IL15: variants seen among roughly 807,000 people sequenced by gnomAD.
IL15 encodes the protein interleukin 15.
In IL15, 11 loss-of-function variants were observed where a neutral mutation model predicts 19.6. The ratio of observed to expected loss-of-function variants is 0.56; its 90% CI spans 0.35 to 0.93. The LOEUF (loss-of-function observed/expected upper bound fraction) is 0.93. IL15 is among the 40% of genes least tolerant of loss of function. The probability of loss-of-function intolerance (pLI) is 0.01; values close to 1 mark genes in which losing one functional copy is unlikely to be tolerated. For synonymous variants in IL15, 58 were observed against 59.6 expected (o/e 0.97, Z 0.12); for missense variants, 197 against 186.5 (o/e 1.06, Z -0.33).
intron 2 of IL15, among the ~76,000 whole-genome samples, chr4:141,695,272 C>CTTTTTTTTT (rs34115620): frequency 1.6e-5 from 1 of 62,562 alleles, no homozygotes; most frequent in Non-Finnish European, 2.7e-5. Context: ...TCTATGATAC[C>CTTTTTTTTT]TTTTTTTTTT....
At chr4:141,726,737 C>T (rs1216396342) in intron 5 of IL15, among the ~76,000 whole-genome samples, 1 of 152,054 alleles carries the variant, frequency 6.6e-6, no homozygotes, top group African/African-American at 2.4e-5. Context: ...TCAGGGAATA[C>T]TACAGAGCAA....
chr4:141,727,438 G>A (rs779130568), intron 5 of IL15, among the ~76,000 whole-genome samples: 14 of 152,052 alleles, frequency 9.2e-5, no homozygotes, highest in Admixed American at 3.3e-4. Flanking sequence ...CAAAATTATA[G>A]GCATGGAGAG....
At chr4:141,721,784 C>T in intron 4 of IL15, 140 bp from the exon 5 acceptor site, 1 of 722,012 alleles carries the variant, frequency 1.4e-6, no homozygotes, top group Non-Finnish European at 2.3e-6. Context: ...AGTTACAAGG[C>T]TGTTGAATGC....
intron 2 of IL15, among the ~76,000 whole-genome samples, chr4:141,696,824 T>A (rs1364973257): frequency 6.6e-6 from 1 of 151,880 alleles, no homozygotes; most frequent in Non-Finnish European, 1.5e-5. Flanking sequence ...TGGGAATTAT[T>A]TATTTTTGTC....
At chr4:141,728,716 C>T (rs1470427125) in intron 6 of IL15, among the ~76,000 whole-genome samples, 1 of 152,082 alleles carries the variant, frequency 6.6e-6, no homozygotes, top group African/African-American at 2.4e-5. Flanking sequence ...TGGAAAGAAA[C>T]CATAGTCAGA....
intron 3 of IL15, among the ~76,000 whole-genome samples, chr4:141,720,242 T>C (rs2152189631): frequency 6.6e-6 from 1 of 152,280 alleles, no homozygotes; most frequent in African/African-American, 2.4e-5. Context: ...TTGACATGCA[T>C]CTGCAGAAAT....
chr4:141,713,597 C>T (rs1248191141), intron 2 of IL15, among the ~76,000 whole-genome samples: 6 of 152,198 alleles, frequency 3.9e-5, no homozygotes, highest in Admixed American at 6.5e-5. Flanking sequence ...CTGACCACTA[C>T]TTTCATACTG....
At chr4:141,710,838 G>A (rs537413150) in intron 2 of IL15, among the ~76,000 whole-genome samples, 43 of 151,604 alleles carry the variant, frequency 2.8e-4, no homozygotes, top group African/African-American at 1.0e-3. Context: ...CAATTAATTA[G>A]CATAAGTGTA....
In IL15 at chr4:141,729,993, T is replaced by G; in HGVS notation, c.378+9T>G. On this transcript the variant is annotated intron_variant, in intron 7 of 7. Coordinates refer to ENST00000320650, the MANE Select transcript of IL15 (RefSeq NM_000585.5). Reference sequence around the variant, plus strand: ...GTTTGTCTTCTAATGGGGTGAGTTTTCCAACAGTTGCTTAGAGTTGCATCT... The same window carrying G: ...GTTTGTCTTCTAATGGGGTGAGTTTGCCAACAGTTGCTTAGAGTTGCATCT... The G allele has an allele frequency of 6.2e-7, 1 of 1,606,364 alleles. No homozygotes were observed. Among genetic ancestry groups the G allele is most frequent in the African/African-American group, 1.3e-5 (1 of 74,788 alleles).
intron 2 of IL15, among the ~76,000 whole-genome samples, chr4:141,658,620 T>C (rs1727684424): frequency 6.6e-6 from 1 of 151,996 alleles, no homozygotes; most frequent in African/African-American, 2.4e-5. Flanking sequence ...TTCTGTAGCA[T>C]GTATACTAGA....
At chr4:141,680,391 C>G (rs187549225) in intron 2 of IL15, among the ~76,000 whole-genome samples, 1 of 152,312 alleles carries the variant, frequency 6.6e-6, no homozygotes, top group East Asian at 1.9e-4. Context: ...AATATTGTAT[C>G]ACTGTTTTCA....
intron 1 of IL15, among the ~76,000 whole-genome samples, chr4:141,650,166 A>G (rs1346845815): frequency 6.6e-6 from 1 of 152,056 alleles, no homozygotes; most frequent in Non-Finnish European, 1.5e-5. Flanking sequence ...TGATAATTGA[A>G]CTACAGTGAG....
chr4:141,681,921 C>A (rs1207703810), intron 2 of IL15, among the ~76,000 whole-genome samples: 1 of 152,144 alleles, frequency 6.6e-6, no homozygotes, highest in Non-Finnish European at 1.5e-5. Context: ...GGCAAAGAAT[C>A]ATTATTTTCT....
chr4:141,681,756 C>T (rs1728539515), intron 2 of IL15, among the ~76,000 whole-genome samples: 1 of 152,126 alleles, frequency 6.6e-6, no homozygotes, highest in Non-Finnish European at 1.5e-5. Flanking sequence ...TATTATAAGA[C>T]TTTCTTTTCA....
At chr4:141,716,206 C>T (rs189173246) in intron 2 of IL15, 1 of 152,460 alleles carries the variant, frequency 6.6e-6, no homozygotes, top group Admixed American at 6.5e-5. Flanking sequence ...CAAACAATTC[C>T]TACCCTGTGA....
chr4:141,680,400 C>T (rs903811497), intron 2 of IL15, among the ~76,000 whole-genome samples: 4 of 152,178 alleles, frequency 2.6e-5, no homozygotes, highest in African/African-American at 9.7e-5. Context: ...TCACTGTTTT[C>T]ATTTTTTTGT....
Position 141,651,793 on chromosome 4 carries a change from A to C in IL15, c.-221-4393A>C, listed in dbSNP as rs543409599. 2.0e-5 allele frequency among the ~76,000 whole-genome samples: 3 copies of C among 152,266 alleles called. No homozygotes were observed. In the South Asian group the frequency reaches 6.2e-4, roughly 32 times the overall value. Reference sequence around the variant, plus strand: ...TATGAATAATTTGGTCATGTAAGTTAATAATGCAGGCTTAGTTACTCAGGG... The same window carrying C: ...TATGAATAATTTGGTCATGTAAGTTCATAATGCAGGCTTAGTTACTCAGGG... On this transcript the variant is annotated intron_variant, in intron 1 of 7. Coordinates refer to ENST00000320650, the MANE Select transcript of IL15 (RefSeq NM_000585.5).
chr4:141,719,469 G>C lies in IL15; in HGVS notation c.5G>C (p.Arg2Thr). 9.5e-7 allele frequency: 1 copy of C among 1,048,218 alleles called. No homozygotes were observed. Among genetic ancestry groups the C allele is most frequent in the Non-Finnish European group, 1.5e-6 (1 of 667,934 alleles). The allele number at this position is 1,048,218 out of a possible 1,614,324, so 64.9% of individuals were successfully genotyped here. The stretch of plus-strand genomic sequence containing the variant: ...GATTTACCGTGGCTTTGAGTAATGA[G>C]AATTTCGGTAAGAAAAAAAATAGAT... M[R>T]ISKPHLRSIS... Residue 2 changes from arginine to threonine, a missense_variant, in exon 3 of 8, where the codon AGA (arginine) becomes ACA (threonine). Transcript: ENST00000320650.
At chr4:141,650,437 T>G (rs1249154305) in intron 1 of IL15, among the ~76,000 whole-genome samples, 1 of 152,010 alleles carries the variant, frequency 6.6e-6, no homozygotes, top group Non-Finnish European at 1.5e-5. Flanking sequence ...TATCATGGAT[T>G]TTATGGATGA....
Sources: allele counts gnomAD v4.1 joint callset (sites outside exome capture counted in the v4.1 genomes callset), GRCh38; gene constraint gnomAD v4.1.1; transcripts MANE v1.5; gene names NCBI Gene and HGNC (gene_info 2026-07-23, HGNC 2026-07-21).